DDC: variants seen among roughly 807,000 people sequenced by gnomAD.
DDC encodes aromatic-L-amino-acid decarboxylase.
Under a neutral mutation model 60.0 loss-of-function variants are expected in DDC, and 43 were observed. The ratio of observed to expected loss-of-function variants is 0.72; its 90% confidence interval spans 0.56 to 0.92. The LOEUF (loss-of-function observed/expected upper bound fraction) is 0.92, where lower values mean the gene tolerates loss of function less well. Ranked by LOEUF, DDC falls within the 40% of genes least tolerant of loss-of-function variation. The probability of loss-of-function intolerance (pLI) is 0.00; values close to 1 mark genes in which losing one functional copy is unlikely to be tolerated. For missense variants in DDC, 573 were observed against 620.2 expected, an observed-to-expected ratio of 0.92 and a Z score of 0.81; for synonymous variants, 232 against 234.6, an observed-to-expected ratio of 0.99 and a Z score of 0.10.
chr7:50,479,924 C>T, intron 9 of DDC, 61 bp from the exon 10 acceptor site: 6 of 1,357,360 alleles, frequency 4.4e-6, no homozygotes, highest in Non-Finnish European at 6.3e-6. Flanking sequence ...GACCACCTCT[C>T]CCCTCTCCCC....
At chr7:50,488,143 T>G (rs1597639) in intron 9 of DDC, among the ~76,000 whole-genome samples, 83,649 of 151,776 alleles carry the variant, frequency 0.55, 23,241 homozygotes, top group Admixed American at 0.62. Flanking sequence ...TTATAAGTAA[T>G]CTATTAAAAA....
At chr7:50,471,708 G>C (rs1478230323) in intron 11 of DDC, among the ~76,000 whole-genome samples, 1 of 152,214 alleles carries the variant, frequency 6.6e-6, no homozygotes, top group Non-Finnish European at 1.5e-5. Flanking sequence ...ATGCAGCAGA[G>C]CCTGAGCCGA....
chr7:50,461,861 T>A (rs2042281279), intron 14 of DDC, among the ~76,000 whole-genome samples: 1 of 152,200 alleles, frequency 6.6e-6, no homozygotes, highest in African/African-American at 2.4e-5. Flanking sequence ...TCTCAGCTTA[T>A]GAGTAGGGGA....
At chr7:50,497,851 T>G (rs2043159396) in intron 8 of DDC, among the ~76,000 whole-genome samples, 1 of 152,214 alleles carries the variant, frequency 6.6e-6, no homozygotes, top group Non-Finnish European at 1.5e-5. Context: ...AGAATACTAC[T>G]TCATTGATTA....
intron 7 of DDC, 46 bp downstream of exon 7, chr7:50,503,947 T>G: frequency 1.1e-5 from 15 of 1,354,552 alleles, no homozygotes; most frequent in Non-Finnish European, 1.6e-5. Flanking sequence ...AAATTCCCCG[T>G]GTACAGAGAA....
At chr7:50,464,796 A>G (rs1337451680) in intron 13 of DDC, among the ~76,000 whole-genome samples, 2 of 152,160 alleles carry the variant, frequency 1.3e-5, no homozygotes, top group Non-Finnish European at 1.5e-5. Flanking sequence ...CTGCTTTAGT[A>G]AAGAGCCACA....
intron 6 of DDC, among the ~76,000 whole-genome samples, chr7:50,519,679 G>A (rs1176004229): frequency 6.6e-6 from 1 of 152,158 alleles, no homozygotes; most frequent in Non-Finnish European, 1.5e-5. Context: ...ATATGTGGGA[G>A]CTAAGCTATG....
At chr7:50,502,387 A>G (rs890511830) in intron 7 of DDC, among the ~76,000 whole-genome samples, 9 of 152,160 alleles carry the variant, frequency 5.9e-5, no homozygotes, top group African/African-American at 2.2e-4. Context: ...ACAGCAGGCC[A>G]TGTGGGCTCT....
chr7:50,462,419 C>T (rs1254164164), intron 14 of DDC, among the ~76,000 whole-genome samples: 1 of 152,144 alleles, frequency 6.6e-6, no homozygotes, highest in Admixed American at 6.5e-5. Flanking sequence ...TACAAATTAA[C>T]TGCATGCTGT....
intron 9 of DDC, among the ~76,000 whole-genome samples, chr7:50,493,508 C>T (rs2043055473): frequency 6.6e-6 from 1 of 152,212 alleles, no homozygotes; most frequent in Admixed American, 6.5e-5. Flanking sequence ...CCAAAAACCT[C>T]AGCAGAGCGG....
chr7:50,520,331 C>G (rs919064925), intron 6 of DDC, among the ~76,000 whole-genome samples: 20 of 152,106 alleles, frequency 1.3e-4, no homozygotes, highest in African/African-American at 4.8e-4. Flanking sequence ...AAAGTATGCT[C>G]TCAGACTGCA....
At chr7:50,551,286 A>G (rs1333389228) in intron 1 of DDC, among the ~76,000 whole-genome samples, 1 of 145,396 alleles carries the variant, frequency 6.9e-6, no homozygotes, top group Admixed American at 7.1e-5. Context: ...GCTGGAGTGC[A>G]GTGGTGTGAT....
intron 9 of DDC, among the ~76,000 whole-genome samples, chr7:50,488,928 T>C (rs2042942265): frequency 6.6e-6 from 1 of 152,226 alleles, no homozygotes; most frequent in African/African-American, 2.4e-5. Flanking sequence ...TCCCCTCTGG[T>C]TCTGACTGAT....
chr7:50,554,908 A>G (rs1451373), intron 1 of DDC, among the ~76,000 whole-genome samples: 48,925 of 152,034 alleles, frequency 0.32, 8,548 homozygotes, highest in East Asian at 0.49. Context: ...GCAGCATGGC[A>G]CTGCGGGGGA....
chr7:50,494,243 T>G (rs1410407884), intron 9 of DDC, among the ~76,000 whole-genome samples: 1 of 152,232 alleles, frequency 6.6e-6, no homozygotes, highest in Non-Finnish European at 1.5e-5. Context: ...CACCGTGGCT[T>G]ACGCCTGTAA....
intron 14 of DDC, among the ~76,000 whole-genome samples, 189 bp from the exon 15 acceptor site, chr7:50,459,032 A>C (rs1385675601): frequency 6.6e-6 from 1 of 150,814 alleles, no homozygotes; most frequent in Non-Finnish European, 1.5e-5. Flanking sequence ...TACTGCTGCC[A>C]TCTCGGCTCA....
chr7:50,510,995 A>AC (rs2043553825), intron 6 of DDC, among the ~76,000 whole-genome samples: 1 of 150,044 alleles, frequency 6.7e-6, no homozygotes. Flanking sequence ...AAAAAAAAAA[A>AC]AAAAAAAACT....
Position 50,541,618 on chromosome 7 carries a change from G to A in DDC, c.202-1590C>T, listed in dbSNP as rs146082287. 8.2e-4 allele frequency among the ~76,000 whole-genome samples: 125 copies of A among 152,300 alleles called. 1 individual carries two copies. The highest frequency in any genetic ancestry group is 3.4e-3 in the Middle Eastern group (1 of 294). ...GTGAGTACACACTGGGAAGACGGCT[G>A]TCTGTAAACCAGGAAGAGAGCCCTC... On this transcript the variant is annotated intron_variant, in intron 2 of 14. Coordinates refer to ENST00000444124, the MANE Select transcript of DDC (RefSeq NM_001082971.2).
intron 6 of DDC, among the ~76,000 whole-genome samples, chr7:50,525,211 A>C (rs2044005222): frequency 1.3e-5 from 2 of 152,220 alleles, no homozygotes; most frequent in African/African-American, 4.8e-5. Flanking sequence ...GAGAGTGACT[A>C]TCAGGGAGTA....
Sources: gnomAD v4.1 joint callset for allele counts (sites outside exome capture counted in the v4.1 genomes callset) on GRCh38, gnomAD v4.1.1 for gene constraint, MANE v1.5 for transcripts, NCBI Gene and HGNC (gene_info 2026-07-23, HGNC 2026-07-21) for gene names.